Variants in KIAA1549L observed in about 807,000 individuals in gnomAD.
KIAA1549L encodes the protein UPF0606 protein KIAA1549L.
KIAA1549L carries 88 observed loss-of-function variants against 160.7 expected under a neutral mutation model. The observed-to-expected ratio is 0.55, with a 90% CI of 0.46 to 0.65. The LOEUF (loss-of-function observed/expected upper bound fraction) is 0.65, where lower values mean the gene tolerates loss of function less well. KIAA1549L is among the 30% of genes least tolerant of loss of function. The pLI, the probability that KIAA1549L is intolerant of heterozygous loss-of-function variation, is 0.00. For missense variants in KIAA1549L, 2,258 were observed against 2,437.5 expected (o/e 0.93, Z 1.55); for synonymous variants, 950 against 976.7 (o/e 0.97, Z 0.51).
chr11:33,426,740 C>A (rs894610929), intron 1 of KIAA1549L, among the ~76,000 whole-genome samples: 7 of 152,106 alleles, frequency 4.6e-5, no homozygotes, highest in African/African-American at 1.7e-4. Context: ...ATTCATTTGC[C>A]CAAGAGCACT....
intron 1 of KIAA1549L, among the ~76,000 whole-genome samples, chr11:33,432,441 T>A (rs1359223300): frequency 6.6e-6 from 1 of 152,178 alleles, no homozygotes; most frequent in African/African-American, 2.4e-5. Flanking sequence ...GGATATGGGT[T>A]TTTTTTTCTT....
chr11:33,481,200 T>G (rs1340419010), intron 1 of KIAA1549L, among the ~76,000 whole-genome samples: 1 of 152,206 alleles, frequency 6.6e-6, no homozygotes, highest in Non-Finnish European at 1.5e-5. Flanking sequence ...ATATCAGTTC[T>G]TTACATGTGC....
chr11:33,461,452 C>G (rs1018034686), intron 1 of KIAA1549L, among the ~76,000 whole-genome samples: 9 of 152,176 alleles, frequency 5.9e-5, no homozygotes, highest in African/African-American at 2.2e-4. Context: ...TTGGTTCTCC[C>G]CACATGCCAG....
chr11:33,527,339 G>T (rs1263134797), intron 1 of KIAA1549L, among the ~76,000 whole-genome samples: 2 of 152,154 alleles, frequency 1.3e-5, no homozygotes, highest in African/African-American at 4.8e-5. Context: ...AATGTAAAAT[G>T]GGGAAAGGAT....
chr11:33,407,081 ATTTTTTTTTT>A (rs750670251), intron 1 of KIAA1549L, among the ~76,000 whole-genome samples: 20 of 100,134 alleles, frequency 2.0e-4, no homozygotes, highest in African/African-American at 8.0e-4. Context: ...TTCTTTTTTC[ATTTTTTTTTT>A]TTTTTTTTTT....
chr11:33,393,824 GT>G (rs1170781239), intron 1 of KIAA1549L, among the ~76,000 whole-genome samples: 1 of 152,158 alleles, frequency 6.6e-6, no homozygotes, highest in Admixed American at 6.5e-5. Context: ...CTGGGATTAT[GT>G]TTTATTTGTC....
rs1368929955 is a variant in KIAA1549L at position 33,669,032 on chromosome 11, T to C, written c.*878T>C. ...TCTTTTTCTTGGGATAATAGATACA[T>C]CAACTTTTACAAGAAAATCTCTGTC... On this transcript the variant is annotated 3_prime_UTR_variant, in exon 21 of 21. Coordinates refer to ENST00000658780, the MANE Select transcript of KIAA1549L (RefSeq NM_012194.3). 1 of 152,156 alleles carries C rather than the reference T, an allele frequency of 6.6e-6. No individual in the cohort carries two copies. The highest frequency in any genetic ancestry group is 1.5e-5 in the Non-Finnish European group (1 of 68,022). The allele number at this position is 152,156 out of a possible 1,614,324, so 9.4% of individuals were successfully genotyped here.
intron 1 of KIAA1549L, among the ~76,000 whole-genome samples, chr11:33,380,699 T>C (rs745329668): frequency 2.0e-5 from 3 of 152,124 alleles, no homozygotes; most frequent in Non-Finnish European, 4.4e-5. Flanking sequence ...TTTGTAGGTC[T>C]CTAAGAATTT....
chr11:33,406,961 G>A (rs567740482), intron 1 of KIAA1549L, among the ~76,000 whole-genome samples: 42 of 151,816 alleles, frequency 2.8e-4, no homozygotes, highest in African/African-American at 1.0e-3. Flanking sequence ...AGGCACTTAT[G>A]TTCTAGTTTC....
At chr11:33,550,358 C>A (rs1050702136) in intron 4 of KIAA1549L, among the ~76,000 whole-genome samples, 1 of 151,264 alleles carries the variant, frequency 6.6e-6, no homozygotes, top group Non-Finnish European at 1.5e-5. Flanking sequence ...AAAAAAAACC[C>A]TGAACTGTAA....
rs1590301368 is a variant in KIAA1549L, at chr11:33,513,771, G to T, written c.239-28031G>T. On this transcript the variant is annotated intron_variant, in intron 1 of 20. Coordinates refer to ENST00000658780, the MANE Select transcript of KIAA1549L (RefSeq NM_012194.3). Reference sequence around the variant, plus strand: ...ACTCTTGGGCCAGTTGGCCACAGGGGGTGGTAGCAAATGAACTTCATGTTT... The same window carrying T: ...ACTCTTGGGCCAGTTGGCCACAGGGTGTGGTAGCAAATGAACTTCATGTTT... Among the ~76,000 whole-genome samples, 5 of 152,198 alleles carry T rather than the reference G, an allele frequency of 3.3e-5. No homozygotes were observed. In the South Asian group the frequency reaches 1.0e-3, roughly 32 times the overall value.
chr11:33,596,016 C>T (rs1456047676), intron 12 of KIAA1549L, among the ~76,000 whole-genome samples: 1 of 152,102 alleles, frequency 6.6e-6, no homozygotes, highest in Non-Finnish European at 1.5e-5. Flanking sequence ...CAACCGTTTA[C>T]AGCTGTTTGC....
At chr11:33,447,180 C>T (rs893353502) in intron 1 of KIAA1549L, among the ~76,000 whole-genome samples, 1 of 152,162 alleles carries the variant, frequency 6.6e-6, no homozygotes, top group Non-Finnish European at 1.5e-5. Context: ...GCAGAAGGAA[C>T]TGTGCAGGTG....
At chr11:33,389,056 T>C (rs1336418896) in intron 1 of KIAA1549L, among the ~76,000 whole-genome samples, 1 of 152,238 alleles carries the variant, frequency 6.6e-6, no homozygotes, top group East Asian at 1.9e-4. Context: ...TTAAATCTAT[T>C]CTTAGCTAGA....
Position 33,460,787 on chromosome 11 carries a change from C to G in KIAA1549L, c.239-81015C>G, listed in dbSNP as rs558960811. Among the ~76,000 whole-genome samples the G allele has an allele frequency of 7.2e-5, 11 of 152,078 alleles. No homozygotes were observed. In the South Asian group the frequency reaches 2.1e-3, roughly 29 times the overall value. ...CCTCTTAAGTATTTGCGTTTTGTTCCTTGCAAAGACTAGTGCAGGCAGAGA... is the reference window on the plus strand; with the variant it reads ...CCTCTTAAGTATTTGCGTTTTGTTCGTTGCAAAGACTAGTGCAGGCAGAGA... On this transcript the variant is annotated intron_variant, in intron 1 of 20. Coordinates refer to ENST00000658780, the MANE Select transcript of KIAA1549L (RefSeq NM_012194.3).
chr11:33,403,257 A>ACACATATG (rs1850544900), intron 1 of KIAA1549L: 2 of 147,134 alleles, frequency 1.4e-5, no homozygotes, highest in Admixed American at 6.8e-5. Flanking sequence ...AGACACACAC[A>ACACATATG]CAGACACAGA....
At chr11:33,540,912 C>A (rs919178423) in intron 1 of KIAA1549L, among the ~76,000 whole-genome samples, 38 of 152,038 alleles carry the variant, frequency 2.5e-4, no homozygotes, top group Admixed American at 1.2e-3. Flanking sequence ...TGGCTTATAC[C>A]CTGATGAGTT....
At chr11:33,614,141 G>C (rs1446962326) in intron 15 of KIAA1549L, among the ~76,000 whole-genome samples, 1 of 152,162 alleles carries the variant, frequency 6.6e-6, no homozygotes, top group Non-Finnish European at 1.5e-5. Flanking sequence ...CAAGGGAACT[G>C]GAAGCGTAAG....
chr11:33,632,266 C>T (rs1224583806), intron 16 of KIAA1549L, among the ~76,000 whole-genome samples: 1 of 152,234 alleles, frequency 6.6e-6, no homozygotes, highest in African/African-American at 2.4e-5. Context: ...TAAGAAATCC[C>T]AGGCCTCATA....
Sources: allele counts gnomAD v4.1 joint callset (sites outside exome capture counted in the v4.1 genomes callset), GRCh38; gene constraint gnomAD v4.1.1; transcripts MANE v1.5; gene names NCBI Gene and HGNC (gene_info 2026-07-23, HGNC 2026-07-21).